The following TRAPPC9 variants were observed in gnomAD, a reference collection of about 807,000 sequenced individuals.
TRAPPC9 encodes IKK2 binding protein.
In TRAPPC9, 83 loss-of-function variants were observed where a neutral mutation model predicts 124.0. The observed-to-expected ratio is 0.67, with a 90% CI of 0.56 to 0.80. TRAPPC9 has a LOEUF of 0.80. TRAPPC9 is among the 30% of genes least tolerant of loss of function. The probability of loss-of-function intolerance (pLI) is 0.00; values close to 1 mark genes in which losing one functional copy is unlikely to be tolerated. For missense variants in TRAPPC9, 1,302 were observed against 1,508.3 expected, an observed-to-expected ratio of 0.86 and a Z score of 2.27; for synonymous variants, 638 against 617.5, an observed-to-expected ratio of 1.03 and a Z score of -0.49.
chr8:139,823,492 C>T (rs1286720444), intron 21 of TRAPPC9, among the ~76,000 whole-genome samples: 2 of 152,162 alleles, frequency 1.3e-5, no homozygotes, highest in Non-Finnish European at 2.9e-5. Context: ...ACGCCAAGGA[C>T]TTCAGATGTC....
At chr8:140,290,231 C>G (rs554293119) in intron 12 of TRAPPC9, among the ~76,000 whole-genome samples, 1 of 152,206 alleles carries the variant, frequency 6.6e-6, no homozygotes, top group African/African-American at 2.4e-5. Flanking sequence ...ATGAAAGGCC[C>G]GCCTCTTACC....
intron 17 of TRAPPC9, among the ~76,000 whole-genome samples, chr8:140,127,703 C>CGT (rs1366692986): frequency 1.3e-5 from 2 of 152,310 alleles, no homozygotes; most frequent in African/African-American, 4.8e-5. Context: ...AAAGGAGATA[C>CGT]GTTCTTGATT....
At chr8:140,457,414 G>C (rs959340076) in intron 1 of TRAPPC9, among the ~76,000 whole-genome samples, 2 of 152,222 alleles carry the variant, frequency 1.3e-5, no homozygotes, top group African/African-American at 4.8e-5. Context: ...ACACGGCCTT[G>C]GACAGATGTA....
chr8:140,280,414 T>TTTTTG (rs577369380), intron 14 of TRAPPC9, among the ~76,000 whole-genome samples: 155 of 152,262 alleles, frequency 1.0e-3, no homozygotes, highest in Admixed American at 1.5e-3. Flanking sequence ...ACCTATTGTT[T>TTTTTG]TTTTGTTTTG....
chr8:140,293,080 A>T (rs1475334189), intron 11 of TRAPPC9, among the ~76,000 whole-genome samples: 1 of 148,444 alleles, frequency 6.7e-6, no homozygotes, highest in African/African-American at 2.6e-5. Context: ...TTCTGAAAAG[A>T]AGACATTTAT....
chr8:140,363,817 C>G (rs1036735809), intron 8 of TRAPPC9, among the ~76,000 whole-genome samples: 1 of 151,944 alleles, frequency 6.6e-6, no homozygotes, highest in Non-Finnish European at 1.5e-5. Flanking sequence ...AGGCTGGTCT[C>G]GAACTCCTGA....
At chr8:140,186,105 G>A (rs541206399) in intron 17 of TRAPPC9, among the ~76,000 whole-genome samples, 2 of 152,292 alleles carry the variant, frequency 1.3e-5, no homozygotes, top group South Asian at 2.1e-4. Flanking sequence ...AAAGCCCTGT[G>A]AAAATTATAA....
At chr8:139,827,062 A>G (rs1825688635) in intron 21 of TRAPPC9, among the ~76,000 whole-genome samples, 1 of 152,230 alleles carries the variant, frequency 6.6e-6, no homozygotes, top group Non-Finnish European at 1.5e-5. Flanking sequence ...GAACATAGCC[A>G]TCAGGTGGAA....
rs1362645269 is a variant in TRAPPC9 at position 140,252,731 on chromosome 8, GTATC to G, written c.2431+42_2431+45del. ...ATCAAGGGATGGGGGTTGCTACACA[GTATC>G]TAGGACCCTGACGTGCTAATTAAAA... On this transcript the variant is annotated intron_variant, in intron 16 of 22. Transcript: ENST00000438773. This position sits in a 1 kb window ranked among gnomAD's most constrained non-coding sequence, Gnocchi z 4.2. The G allele has an allele frequency of 2.5e-6, 4 of 1,605,902 alleles. No individual in the cohort carries two copies. The African/African-American group carries it at 5.3e-5, about 21-fold the overall frequency.
chr8:139,823,795 G>A (rs907422732), intron 21 of TRAPPC9, among the ~76,000 whole-genome samples: 17 of 152,228 alleles, frequency 1.1e-4, no homozygotes, highest in Non-Finnish European at 2.1e-4. Flanking sequence ...GCCACAAAGA[G>A]AGGCCTGATG....
chr8:140,041,009 T>C (rs1327294796), intron 17 of TRAPPC9: 1 of 152,218 alleles, frequency 6.6e-6, no homozygotes, highest in South Asian at 2.1e-4. Flanking sequence ...CTTCGACAAC[T>C]ACTTTGTCAA....
At chr8:140,146,488 G>C (rs934951623) in intron 17 of TRAPPC9, among the ~76,000 whole-genome samples, 1 of 152,148 alleles carries the variant, frequency 6.6e-6, no homozygotes, top group Admixed American at 6.5e-5. Flanking sequence ...GGTGGTATAT[G>C]CATGTGATTG....
At chr8:140,280,731 G>A (rs1408301368) in intron 14 of TRAPPC9, among the ~76,000 whole-genome samples, 3 of 152,162 alleles carry the variant, frequency 2.0e-5, no homozygotes, top group Non-Finnish European at 4.4e-5. Context: ...ACCACGCCCA[G>A]CCTGATACCC....
Position 139,728,058 on chromosome 8 carries a change from C to A in TRAPPC9, c.*3003G>T, listed in dbSNP as rs892287057. The stretch of plus-strand genomic sequence containing the variant: ...AATCTAGGAGGTTAAATCAAATAAA[C>A]TGATATGAAAGTGTCCATGAAATAA... On this transcript the variant is annotated 3_prime_UTR_variant, in exon 23 of 23. Transcript: ENST00000438773. Among the ~76,000 whole-genome samples the A allele has an allele frequency of 2.0e-5, 3 of 152,074 alleles. No individual in the cohort carries two copies. Among genetic ancestry groups the A allele is most frequent in the Admixed American group, 1.3e-4 (2 of 15,254 alleles).
intron 15 of TRAPPC9, among the ~76,000 whole-genome samples, chr8:140,260,324 G>A (rs2064374086): frequency 1.3e-5 from 2 of 152,160 alleles, no homozygotes. Context: ...CAATGGTGAT[G>A]CTTTCTATGG....
At chr8:139,991,034 C>T (rs2131723441) in intron 18 of TRAPPC9, among the ~76,000 whole-genome samples, 1 of 152,342 alleles carries the variant, frequency 6.6e-6, no homozygotes, top group East Asian at 1.9e-4. Context: ...TTAGCTCTGA[C>T]AGCTGCCTAC....
At chr8:140,004,362 AC>A (rs1227998122) in intron 18 of TRAPPC9, among the ~76,000 whole-genome samples, 1 of 152,186 alleles carries the variant, frequency 6.6e-6, no homozygotes, top group Non-Finnish European at 1.5e-5. Flanking sequence ...AATTTAAAAA[AC>A]ATTTAAATCA....
At chr8:140,412,014 T>A (rs767430099) in intron 5 of TRAPPC9, among the ~76,000 whole-genome samples, 15 of 152,206 alleles carry the variant, frequency 9.9e-5, no homozygotes, top group Non-Finnish European at 1.9e-4. Context: ...GGTGAAAGTG[T>A]GATGACAAAC....
At chr8:140,057,657 A>C (rs188734662) in intron 17 of TRAPPC9, among the ~76,000 whole-genome samples, 1 of 152,286 alleles carries the variant, frequency 6.6e-6, no homozygotes, top group Admixed American at 6.5e-5. Flanking sequence ...AGGAAGTCAC[A>C]TGGTGGTTTC....
Sources: allele counts gnomAD v4.1 joint callset (sites outside exome capture counted in the v4.1 genomes callset), GRCh38; gene constraint gnomAD v4.1.1; non-coding constraint Gnocchi (gnomAD v3.1); transcripts MANE v1.5; gene names NCBI Gene and HGNC (gene_info 2026-07-23, HGNC 2026-07-21).